Variants in ZIM2 observed in about 807,000 individuals in gnomAD.
ZIM2 encodes the protein zinc finger protein 656.
A neutral mutation model predicts 38.6 loss-of-function variants in ZIM2; 14 were observed. That is an observed-to-expected ratio of 0.36 (90% CI 0.24 to 0.57). The LOEUF is 0.57. Among genes scored for constraint, ZIM2 ranks in the 20% least tolerant of loss-of-function variants. The pLI is 0.81. For synonymous variants in ZIM2, 247 were observed against 245.8 expected, an observed-to-expected ratio of 1.00 and a Z score of -0.04; for missense variants, 680 against 695.1, an observed-to-expected ratio of 0.98 and a Z score of 0.24.
rs1188585541 is a variant in ZIM2, at chr19:56,817,317, A to G, written c.490+429T>C. On this transcript the variant is annotated intron_variant, in intron 9 of 12. Transcript: ENST00000629319. ...TGGAAACAAGGGTTGAATTAAACCT[A>G]AAGCCTCCCCTAAATGCATTCCCTT... The G allele has an allele frequency of 3.7e-6, 6 of 1,613,998 alleles. No individual in the cohort carries two copies. In the African/African-American group the frequency reaches 8.0e-5, roughly 22 times the overall value.
chr19:56,786,288 G>A (rs946569971), intron 10 of ZIM2, among the ~76,000 whole-genome samples: 1 of 152,130 alleles, frequency 6.6e-6, no homozygotes, highest in African/African-American at 2.4e-5. Flanking sequence ...AAGAATGCGT[G>A]TTCCAGGACA....
chr19:56,801,666 CA>C (rs1388506224), intron 9 of ZIM2, among the ~76,000 whole-genome samples: 2 of 152,150 alleles, frequency 1.3e-5, no homozygotes, highest in Non-Finnish European at 2.9e-5. Context: ...CCTCTGCTCT[CA>C]AAAGGGCAAG....
chr19:56,791,959 ATAATG>A (rs1406609794), intron 9 of ZIM2, among the ~76,000 whole-genome samples: 2 of 152,008 alleles, frequency 1.3e-5, no homozygotes, highest in Non-Finnish European at 2.9e-5. Context: ...GAAAGACTAA[ATAATG>A]TAAAGACCAA....
chr19:56,775,670 TA>T, intron 12 of ZIM2, 141 bp from the exon 13 acceptor site: 1 of 1,349,426 alleles, frequency 7.4e-7, no homozygotes, highest in Non-Finnish European at 9.8e-7. Flanking sequence ...AAAAAAAAAG[TA>T]AAAATTCCTC....
chr19:56,778,078 T>A (rs575293738), intron 12 of ZIM2, among the ~76,000 whole-genome samples: 1 of 152,330 alleles, frequency 6.6e-6, no homozygotes, highest in East Asian at 1.9e-4. Flanking sequence ...GACTATTCCA[T>A]CTCAAGCAAC....
intron 7 of ZIM2, among the ~76,000 whole-genome samples, 194 bp downstream of exon 7, chr19:56,821,457 C>G (rs761244304): frequency 6.6e-6 from 1 of 152,160 alleles, no homozygotes; most frequent in Non-Finnish European, 1.5e-5. Context: ...ACCACATGAA[C>G]GACAAAGAAA....
intron 2 of ZIM2, among the ~76,000 whole-genome samples, chr19:56,832,743 C>T (rs138550658): frequency 6.6e-6 from 1 of 152,264 alleles, no homozygotes; most frequent in African/African-American, 2.4e-5. Flanking sequence ...AAGGGTGCTT[C>T]TGGGAGTCTG....
chr19:56,785,278 T>C (rs1295521115), intron 10 of ZIM2, among the ~76,000 whole-genome samples: 2 of 152,094 alleles, frequency 1.3e-5, no homozygotes, highest in Admixed American at 1.3e-4. Flanking sequence ...CTCCAGGGCA[T>C]CTTTGCTTGG....
intron 11 of ZIM2, among the ~76,000 whole-genome samples, chr19:56,781,473 C>T (rs1385809451): frequency 3.9e-5 from 6 of 152,182 alleles, no homozygotes; most frequent in South Asian, 2.1e-4. Context: ...GCAATTCCTT[C>T]GCTCATTCAG....
chr19:56,803,721 T>C (rs1355602384), intron 9 of ZIM2, among the ~76,000 whole-genome samples: 1 of 152,152 alleles, frequency 6.6e-6, no homozygotes, highest in Non-Finnish European at 1.5e-5. Flanking sequence ...ATTGAGGTAA[T>C]TAAAGAAAAT....
Position 56,774,895 on chromosome 19 carries a change from G to A in ZIM2, c.1470C>T (p.Asp490=). 3 of 1,614,162 alleles carry A rather than the reference G, an allele frequency of 1.9e-6. No individual in the cohort carries two copies. The highest frequency in any genetic ancestry group is 2.5e-6 in the Non-Finnish European group (3 of 1,180,036). Residue 490 remains aspartate, a synonymous_variant, in exon 13 of 13, where the codon GAC becomes GAT. Coordinates refer to ENST00000629319, the MANE Select transcript of ZIM2 (RefSeq NM_001387356.1). ...TYLIRYQRKH[D]YVGERACQCC... Reference sequence around the variant, plus strand: ...ACTGGCAGGCTCTCTCTCCAACGTAGTCATGTTTCCGCTGATAACGAATTA... The same window carrying A: ...ACTGGCAGGCTCTCTCTCCAACGTAATCATGTTTCCGCTGATAACGAATTA...
intron 5 of ZIM2, 71 bp downstream of exon 5, chr19:56,823,519 C>A: frequency 1.9e-6 from 3 of 1,585,116 alleles, no homozygotes; most frequent in Non-Finnish European, 2.6e-6. Flanking sequence ...GAGGCCCCAA[C>A]CCACTGTGTC....
chr19:56,795,355 G>A (rs1225711621), intron 9 of ZIM2, among the ~76,000 whole-genome samples: 1 of 152,198 alleles, frequency 6.6e-6, no homozygotes. Context: ...GCTGCCCCGC[G>A]CTGGATGCCT....
intron 9 of ZIM2, chr19:56,798,786 A>G (rs565209541): frequency 6.6e-6 from 1 of 152,336 alleles, no homozygotes; most frequent in East Asian, 1.9e-4. Context: ...AACGCCATTA[A>G]AAAATGGGCA....
Position 56,814,269 on chromosome 19 carries a change from G to T in ZIM2, c.490+3477C>A. 1 of 1,612,814 alleles carries T rather than the reference G, an allele frequency of 6.2e-7. No homozygotes were observed. The highest frequency in any genetic ancestry group is 8.5e-7 in the Non-Finnish European group (1 of 1,179,818). On this transcript the variant is annotated intron_variant, in intron 9 of 12. Coordinates refer to ENST00000629319, the MANE Select transcript of ZIM2 (RefSeq NM_001387356.1). This position sits in a 1 kb window ranked among gnomAD's most constrained non-coding sequence, Gnocchi z 5.8. ...CCACTTCTGGCTCAGCAGCCTCTAC[G>T]TTTAAGCCCTGAATCCTCAGAACTA...
At chr19:56,806,451 G>A (rs189945095) in intron 9 of ZIM2, among the ~76,000 whole-genome samples, 2 of 152,256 alleles carry the variant, frequency 1.3e-5, no homozygotes, top group African/African-American at 2.4e-5. Context: ...GGCTGGTTGT[G>A]ACCTGGAAAT....
At chr19:56,811,882 C>T in intron 9 of ZIM2, 8 of 985,330 alleles carry the variant, frequency 8.1e-6, no homozygotes, top group Non-Finnish European at 9.6e-6. Context: ...CTGTCTGTCT[C>T]CTCTCCCCTC....
chr19:56,836,695 G>A (rs368615207), intron 1 of ZIM2, among the ~76,000 whole-genome samples: 2 of 152,066 alleles, frequency 1.3e-5, no homozygotes, highest in African/African-American at 4.8e-5. Flanking sequence ...AAGGATGGGC[G>A]CAGTGACTCG....
intron 1 of ZIM2, among the ~76,000 whole-genome samples, chr19:56,839,959 G>C (rs1396763899): frequency 1.3e-5 from 2 of 152,252 alleles, no homozygotes; most frequent in African/African-American, 4.8e-5. Flanking sequence ...CCGCCCGAGA[G>C]GGCGGGGAAA....
Sources: allele counts gnomAD v4.1 joint callset (sites outside exome capture counted in the v4.1 genomes callset), GRCh38; gene constraint gnomAD v4.1.1; non-coding constraint Gnocchi (gnomAD v3.1); transcripts MANE v1.5; gene names NCBI Gene and HGNC (gene_info 2026-07-23, HGNC 2026-07-21).